Variants in FBXW11 observed in about 807,000 individuals in gnomAD.
FBXW11 encodes the protein F-box and WD repeat domain containing 11.
Under a neutral mutation model 77.6 loss-of-function variants are expected in FBXW11, and 19 were observed. The observed-to-expected ratio is 0.24, with a 90% CI of 0.17 to 0.36. FBXW11 has a LOEUF of 0.36. Among genes scored for constraint, FBXW11 ranks in the 10% least tolerant of loss-of-function variants. The pLI, the probability that FBXW11 is intolerant of heterozygous loss-of-function variation, is 1.00. For synonymous variants in FBXW11, 235 were observed against 249.4 expected (o/e 0.94, Z 0.54); for missense variants, 334 against 704.2 (o/e 0.47, Z 5.95).
At chr5:172,000,577 A>C (rs1766355582) in intron 1 of FBXW11, among the ~76,000 whole-genome samples, 1 of 152,198 alleles carries the variant, frequency 6.6e-6, no homozygotes. Flanking sequence ...ATACATGCGC[A>C]ACTCAGGAGA....
At chr5:171,898,764 G>A (rs578241075) in intron 6 of FBXW11, among the ~76,000 whole-genome samples, 34 of 152,172 alleles carry the variant, frequency 2.2e-4, no homozygotes, top group African/African-American at 7.9e-4. Context: ...TGAATTAACC[G>A]GCAGCCTTGC....
At chr5:171,884,862 G>T (rs913775829) in intron 7 of FBXW11, among the ~76,000 whole-genome samples, 2 of 152,234 alleles carry the variant, frequency 1.3e-5, no homozygotes, top group South Asian at 2.1e-4. Flanking sequence ...TTGAGTTCTT[G>T]ATGTGATTCT....
intron 2 of FBXW11, among the ~76,000 whole-genome samples, chr5:171,950,880 C>T (rs546063270): frequency 2.0e-5 from 3 of 151,840 alleles, no homozygotes; most frequent in East Asian, 3.9e-4. Context: ...GAGTTAGACT[C>T]GGTCTCAAAA....
intron 2 of FBXW11, among the ~76,000 whole-genome samples, chr5:171,915,431 A>C (rs2113957342): frequency 1.3e-5 from 2 of 152,364 alleles, no homozygotes; most frequent in Admixed American, 1.3e-4. Context: ...CTATTTATAC[A>C]GTATTTCCAA....
intron 3 of FBXW11, 79 bp from the exon 4 acceptor site, chr5:171,910,876 C>G: frequency 9.6e-7 from 1 of 1,045,136 alleles, no homozygotes; most frequent in Non-Finnish European, 1.4e-6. Flanking sequence ...ATATTTTTCA[C>G]CCTGTGTATT....
chr5:171,887,486 C>T (rs576207679), intron 7 of FBXW11, among the ~76,000 whole-genome samples: 13 of 151,720 alleles, frequency 8.6e-5, no homozygotes, highest in Non-Finnish European at 1.6e-4. Context: ...AAGCCCACTA[C>T]AATCTATCTC....
intron 2 of FBXW11, among the ~76,000 whole-genome samples, chr5:171,920,293 G>A (rs1220443110): frequency 6.6e-6 from 1 of 151,922 alleles, no homozygotes; most frequent in African/African-American, 2.4e-5. Context: ...ATGGTGTCTG[G>A]TTAGTTCATT....
At chr5:171,987,076 C>G (rs920123809) in intron 1 of FBXW11, among the ~76,000 whole-genome samples, 2 of 152,182 alleles carry the variant, frequency 1.3e-5, no homozygotes, top group African/African-American at 2.4e-5. Flanking sequence ...TTAAGAGAAT[C>G]CAGCTAATGC....
In FBXW11 at chr5:171,982,821, G is replaced by A. The variant is rs78610173; in HGVS notation, c.45+23637C>T. ...CTCCAGCCCTCCTTTGACCTGACCC[G>A]AGGCACGACTCTAATCTTTAAGATC... On this transcript the variant is annotated intron_variant, in intron 1 of 13. Transcript: ENST00000517395. Among the ~76,000 whole-genome samples, 1,328 of 152,120 alleles carry A rather than the reference G, an allele frequency of 8.7e-3. 13 individuals are homozygous for A. Among genetic ancestry groups the A allele is most frequent in the African/African-American group, 0.03 (1,238 of 41,478 alleles).
chr5:171,981,572 T>C (rs2113494301), intron 1 of FBXW11, among the ~76,000 whole-genome samples: 1 of 152,324 alleles, frequency 6.6e-6, no homozygotes, highest in African/African-American at 2.4e-5. Flanking sequence ...ACCCAGTTGG[T>C]GTCTGCAAAT....
At chr5:171,912,273 A>G (rs1402060445) in intron 3 of FBXW11, among the ~76,000 whole-genome samples, 1 of 152,186 alleles carries the variant, frequency 6.6e-6, no homozygotes, top group East Asian at 1.9e-4. Context: ...CTGTCGAGGA[A>G]TGTTTCTTCC....
chr5:171,942,315 T>G (rs1762793556), intron 2 of FBXW11, among the ~76,000 whole-genome samples: 1 of 151,732 alleles, frequency 6.6e-6, no homozygotes, highest in South Asian at 2.1e-4. Flanking sequence ...TTCAGAATGA[T>G]GCATTGCCTT....
At chr5:171,993,037 T>C (rs1422587126) in intron 1 of FBXW11, among the ~76,000 whole-genome samples, 4 of 151,606 alleles carry the variant, frequency 2.6e-5, no homozygotes, top group African/African-American at 9.7e-5. Context: ...TACTAATCTG[T>C]CTAAAAACAA....
intron 4 of FBXW11, among the ~76,000 whole-genome samples, chr5:171,909,602 T>C (rs1323620993): frequency 6.6e-6 from 1 of 152,200 alleles, no homozygotes; most frequent in African/African-American, 2.4e-5. Context: ...ATTCTCTGCA[T>C]TTTCCCTTCA....
intron 1 of FBXW11, among the ~76,000 whole-genome samples, chr5:172,005,266 A>G (rs1285801292): frequency 6.6e-6 from 1 of 152,170 alleles, no homozygotes; most frequent in Non-Finnish European, 1.5e-5. Flanking sequence ...CTCTCCTCTC[A>G]ACCCTGGGGA....
intron 1 of FBXW11, among the ~76,000 whole-genome samples, chr5:171,974,923 T>G (rs555005664): frequency 6.6e-6 from 1 of 152,282 alleles, no homozygotes; most frequent in Non-Finnish European, 1.5e-5. Context: ...ACCTTCCAAG[T>G]GGCTAGGACT....
In FBXW11 at chr5:171,904,984, A is replaced by T. The variant is rs1760377005; in HGVS notation, c.437-4884T>A. The stretch of plus-strand genomic sequence containing the variant: ...TTTGATTCCCCCATCAATTGCTCAC[A>T]ACTAGGCTATCATGAGTTTTTACAG... On this transcript the variant is annotated intron_variant, in intron 4 of 13. Transcript: ENST00000517395. This position sits in a 1 kb window ranked among gnomAD's most constrained non-coding sequence, Gnocchi z 4.0. Among the ~76,000 whole-genome samples the T allele has an allele frequency of 6.6e-6, 1 of 152,218 alleles. No individual in the cohort carries two copies. Among genetic ancestry groups the T allele is most frequent in the South Asian group, 2.1e-4 (1 of 4,826 alleles).
intron 2 of FBXW11, chr5:171,916,526 T>C (rs1761263311): frequency 1.1e-6 from 1 of 895,004 alleles, no homozygotes; most frequent in Non-Finnish European, 1.3e-6. Context: ...CAGTAAGTAA[T>C]TCTGAATGGG....
At chr5:171,895,392 C>T (rs72835261) in intron 6 of FBXW11, among the ~76,000 whole-genome samples, 10 of 152,260 alleles carry the variant, frequency 6.6e-5, no homozygotes, top group Admixed American at 3.9e-4. Context: ...CAAGTTTTGA[C>T]ATTTTCTGGT....
Sources: gnomAD v4.1 joint callset for allele counts (sites outside exome capture counted in the v4.1 genomes callset) on GRCh38, gnomAD v4.1.1 for gene constraint, Gnocchi (gnomAD v3.1) non-coding constraint, MANE v1.5 for transcripts, NCBI Gene and HGNC (gene_info 2026-07-23, HGNC 2026-07-21) for gene names.